ZDHHC14: variants seen among roughly 807,000 people sequenced by gnomAD.
ZDHHC14 encodes zDHHC palmitoyltransferase 14.
Under a neutral mutation model 47.7 loss-of-function variants are expected in ZDHHC14, and 16 were observed. The observed-to-expected ratio is 0.34, with a 90% CI of 0.23 to 0.51. ZDHHC14 has a LOEUF of 0.51. Among genes scored for constraint, ZDHHC14 ranks in the 20% least tolerant of loss-of-function variants. The probability of loss-of-function intolerance (pLI) is 0.97; values close to 1 mark genes in which losing one functional copy is unlikely to be tolerated. For missense variants in ZDHHC14, 515 were observed against 662.5 expected (o/e 0.78, Z 2.44); for synonymous variants, 293 against 278.9 (o/e 1.05, Z -0.50).
intron 3 of ZDHHC14, among the ~76,000 whole-genome samples, chr6:157,606,150 C>T (rs762723533): frequency 5.3e-5 from 8 of 152,148 alleles, no homozygotes; most frequent in Non-Finnish European, 1.0e-4. Flanking sequence ...TTCCCCTTCA[C>T]GGTTCCCATG....
intron 3 of ZDHHC14, among the ~76,000 whole-genome samples, chr6:157,606,712 A>C (rs1158945808): frequency 6.6e-6 from 1 of 152,202 alleles, no homozygotes; most frequent in Non-Finnish European, 1.5e-5. Flanking sequence ...GTCACCTCCC[A>C]GGGCATAGTC....
At chr6:157,561,134 C>T (rs961205331) in intron 2 of ZDHHC14, among the ~76,000 whole-genome samples, 24 of 152,324 alleles carry the variant, frequency 1.6e-4, no homozygotes, top group African/African-American at 5.5e-4. Context: ...TGGAAATCGC[C>T]TCAGAGAGCA....
chr6:157,592,820 C>T, intron 2 of ZDHHC14, 168 bp from the exon 3 acceptor site: 1 of 1,428,930 alleles, frequency 7.0e-7, no homozygotes, highest in Non-Finnish European at 9.2e-7. Flanking sequence ...GGCCGGGGTC[C>T]CAGCGGAGGG....
At chr6:157,602,771 C>G (rs898355374) in intron 3 of ZDHHC14, among the ~76,000 whole-genome samples, 1 of 152,208 alleles carries the variant, frequency 6.6e-6, no homozygotes, top group Admixed American at 6.5e-5. Flanking sequence ...GATGCTTCCT[C>G]TGAGCTTTCT....
chr6:157,534,843 A>G (rs972876823), intron 1 of ZDHHC14, among the ~76,000 whole-genome samples: 2 of 152,082 alleles, frequency 1.3e-5, no homozygotes, highest in South Asian at 4.2e-4. Context: ...TGCCCACCTC[A>G]GCCTCCCAAA....
chr6:157,476,417 G>C (rs1285258067), intron 1 of ZDHHC14, among the ~76,000 whole-genome samples: 1 of 152,094 alleles, frequency 6.6e-6, no homozygotes, highest in African/African-American at 2.4e-5. Context: ...GTATTAAAAA[G>C]TCTGCCATCA....
rs1459669052 is a variant in ZDHHC14 at position 157,594,724 on chromosome 6, G to A, written c.565+1578G>A. 2.0e-5 allele frequency among the ~76,000 whole-genome samples: 3 copies of A among 152,166 alleles called. 1 individual carries two copies. Among genetic ancestry groups the A allele is most frequent in the Admixed American group, 1.3e-4 (2 of 15,282 alleles). On this transcript the variant is annotated intron_variant, in intron 3 of 8. Transcript: ENST00000359775. The stretch of plus-strand genomic sequence containing the variant: ...TGGGGGCACACCAGGGTTTCTACAA[G>A]GTTTCTACAAGGGACTCTACAAATC...
chr6:157,464,890 G>A (rs543656687), intron 1 of ZDHHC14, among the ~76,000 whole-genome samples: 59 of 152,276 alleles, frequency 3.9e-4, no homozygotes, highest in African/African-American at 1.4e-3. Context: ...AGCAGCTCAG[G>A]GCGGGCCAGC....
chr6:157,640,676 T>C (rs1051774750), intron 5 of ZDHHC14, among the ~76,000 whole-genome samples: 11 of 152,304 alleles, frequency 7.2e-5, no homozygotes, highest in African/African-American at 2.4e-4. Context: ...ACTGAGATAC[T>C]TCCTGCTACC....
intron 1 of ZDHHC14, among the ~76,000 whole-genome samples, chr6:157,408,454 C>G (rs1489671104): frequency 1.3e-5 from 2 of 152,210 alleles, no homozygotes; most frequent in Non-Finnish European, 2.9e-5. Flanking sequence ...TGCTCTCCCT[C>G]CACGCCCTCC....
intron 3 of ZDHHC14, among the ~76,000 whole-genome samples, chr6:157,622,970 C>T (rs2114941762): frequency 6.6e-6 from 1 of 152,288 alleles, no homozygotes; most frequent in East Asian, 1.9e-4. Flanking sequence ...TGGGAGCCAG[C>T]TGGATGAAAG....
chr6:157,456,873 C>T (rs1489188127), intron 1 of ZDHHC14, among the ~76,000 whole-genome samples: 1 of 151,990 alleles, frequency 6.6e-6, no homozygotes, highest in Non-Finnish European at 1.5e-5. Flanking sequence ...GTGGGCCGGG[C>T]GTGGTGGCTC....
In ZDHHC14 at chr6:157,673,390, CA is replaced by C. The variant is rs1778897163; in HGVS notation, c.*269del. On this transcript the variant is annotated 3_prime_UTR_variant, in exon 9 of 9. Coordinates refer to ENST00000359775, the MANE Select transcript of ZDHHC14 (RefSeq NM_024630.3). The surrounding 1 kb of genome is among the most constrained non-coding windows in gnomAD (Gnocchi z 5.4). ...TGGCTGCTTTCTTTTGGTGACCCTC[CA>C]GGGGTGGAATCGGAGTGTGTCTGCC... 1.9e-6 allele frequency: 1 copy of C among 519,112 alleles called. No homozygotes were observed. The highest frequency in any genetic ancestry group is 3.3e-6 in the Non-Finnish European group (1 of 302,094). 32.2% of individuals were successfully genotyped at this position (519,112 alleles called of 1,614,324 possible). A position where few individuals can be genotyped will look rare whatever the true frequency, so the allele number is the denominator to read the frequency against.
chr6:157,598,230 T>A (rs1784207764), intron 3 of ZDHHC14, among the ~76,000 whole-genome samples: 1 of 152,226 alleles, frequency 6.6e-6, no homozygotes, highest in South Asian at 2.1e-4. Flanking sequence ...AGCTGCCTTC[T>A]GGTGTGGATT....
intron 2 of ZDHHC14, among the ~76,000 whole-genome samples, chr6:157,566,071 A>C (rs2114848906): frequency 6.6e-6 from 1 of 152,342 alleles, no homozygotes; most frequent in East Asian, 1.9e-4. Flanking sequence ...CAGTAGCATA[A>C]AAGGCACTTT....
At chr6:157,520,259 C>T (rs887597798) in intron 1 of ZDHHC14, among the ~76,000 whole-genome samples, 3 of 152,156 alleles carry the variant, frequency 2.0e-5, no homozygotes, top group African/African-American at 7.2e-5. Flanking sequence ...CTGCTCTTGC[C>T]CACAATGTGC....
At chr6:157,617,108 C>T (rs951320404) in intron 3 of ZDHHC14, among the ~76,000 whole-genome samples, 2 of 152,190 alleles carry the variant, frequency 1.3e-5, no homozygotes, top group African/African-American at 4.8e-5. Flanking sequence ...AGGGGAACAC[C>T]TGTTCCTCTT....
At chr6:157,500,140 A>C (rs1048422629) in intron 1 of ZDHHC14, among the ~76,000 whole-genome samples, 12 of 152,230 alleles carry the variant, frequency 7.9e-5, no homozygotes, top group Non-Finnish European at 1.2e-4. Flanking sequence ...GGTGACACTG[A>C]GCAGAAATCT....
At chr6:157,555,334 G>C (rs138356362) in intron 2 of ZDHHC14, among the ~76,000 whole-genome samples, 13 of 152,198 alleles carry the variant, frequency 8.5e-5, no homozygotes, top group African/African-American at 2.9e-4. Flanking sequence ...TGATGAGGCT[G>C]CCTGACCCCC....
Sources: gnomAD v4.1 joint callset for allele counts (sites outside exome capture counted in the v4.1 genomes callset) on GRCh38, gnomAD v4.1.1 for gene constraint, Gnocchi (gnomAD v3.1) non-coding constraint, MANE v1.5 for transcripts, NCBI Gene and HGNC (gene_info 2026-07-23, HGNC 2026-07-21) for gene names.